The following GTF2IRD2 variants were observed in gnomAD, a reference collection of about 807,000 sequenced individuals.
GTF2IRD2 encodes general transcription factor II-I repeat domain-containing protein 2A.
A neutral mutation model predicts 49.2 loss-of-function variants in GTF2IRD2; 8 were observed. That is an observed-to-expected ratio of 0.16 (90% CI 0.10 to 0.29). The LOEUF (loss-of-function observed/expected upper bound fraction) is 0.29. Ranked by LOEUF, GTF2IRD2 falls within the 10% of genes least tolerant of loss-of-function variation. The pLI, the probability that GTF2IRD2 is intolerant of heterozygous loss-of-function variation, is 1.00. For missense variants in GTF2IRD2, 130 were observed against 725.7 expected (o/e 0.18, Z 9.43); for synonymous variants, 47 against 289.7 (o/e 0.16, Z 8.51).
At chr7:74,831,200 ATCTC>A (rs1177649282) in intron 3 of GTF2IRD2, among the ~76,000 whole-genome samples, 11 of 143,800 alleles carry the variant, frequency 7.6e-5, no homozygotes, top group African/African-American at 1.3e-4. Flanking sequence ...CCCCTCTCTC[ATCTC>A]TCTCTCTCTC....
At chr7:74,841,002 C>T (rs1250062074) in intron 1 of GTF2IRD2, among the ~76,000 whole-genome samples, 6 of 80,106 alleles carry the variant, frequency 7.5e-5, no homozygotes, top group East Asian at 9.9e-4. Flanking sequence ...CACCCGCCAC[C>T]GGGCCCAGCT....
chr7:74,818,928 TTTTTG>T (rs1798690130), intron 8 of GTF2IRD2: 1 of 150,586 alleles, frequency 6.6e-6, no homozygotes, highest in African/African-American at 2.5e-5. Context: ...TTTGTTTTTG[TTTTTG>T]TTTTTTTTTG....
intron 1 of GTF2IRD2, among the ~76,000 whole-genome samples, chr7:74,840,016 G>C (rs1243834494): frequency 3.4e-5 from 5 of 147,660 alleles, no homozygotes; most frequent in African/African-American, 1.3e-4. Context: ...AAAAAAGGGA[G>C]ATGCCACAGC....
intron 6 of GTF2IRD2, chr7:74,822,191 C>T (rs1304327613): frequency 4.6e-5 from 17 of 370,584 alleles, no homozygotes; most frequent in Non-Finnish European, 6.1e-5. Context: ...GGACTACACG[C>T]GCCCGCCACC....
rs149820725 is a variant in GTF2IRD2, at chr7:74,798,022, A to C, written c.1490T>G (p.Leu497Arg). The stretch of plus-strand genomic sequence containing the variant: ...ACACTCGGTGTCTGATGAGCCTAAG[A>C]GATACTTCCTGAGCCCTTTTTTCAG... ...HELKKGLRKY[L>R]LGSSDTECPE... Residue 497 changes from leucine to arginine, a missense_variant, in exon 16 of 16, where the codon CTC (leucine) becomes CGC (arginine). Leu to Arg is a moderately radical substitution (Grantham distance 102). Transcript: ENST00000451013. 62 of 1,225,786 alleles carry C rather than the reference A, an allele frequency of 5.1e-5. No individual in the cohort carries two copies. The Middle Eastern group carries it at 1.3e-3, about 26-fold the overall frequency. 75.9% of individuals were successfully genotyped at this position (1,225,786 alleles called of 1,614,324 possible). A position where few individuals can be genotyped will look rare whatever the true frequency, so the allele number is the denominator to read the frequency against.
chr7:74,818,486 GTC>G (rs1798638214), intron 8 of GTF2IRD2, among the ~76,000 whole-genome samples: 1 of 110,478 alleles, frequency 9.1e-6, no homozygotes, highest in Non-Finnish European at 1.7e-5. Flanking sequence ...TTGAGACAAC[GTC>G]TCTCTCTGTC....
At position 74,824,779 on chromosome 7, in the gene GTF2IRD2, C is replaced by T. The variant is rs1799217784; in HGVS notation, c.358+154G>A. On this transcript the variant is annotated intron_variant, in intron 4 of 15. Transcript: ENST00000451013. Reference sequence around the variant, plus strand: ...TGGTGGCGGGCGCCTGTAATCCCAGCTACTTGGGAGGCTAAGGCAGGAGAA... The same window carrying T: ...TGGTGGCGGGCGCCTGTAATCCCAGTTACTTGGGAGGCTAAGGCAGGAGAA... Among the ~76,000 whole-genome samples the T allele has an allele frequency of 5.3e-5, 2 of 37,620 alleles. 1 individual carries two copies. Among genetic ancestry groups the T allele is most frequent in the East Asian group, 6.9e-3 (2 of 288 alleles). The allele number at this position is 37,620 out of a possible 152,430, so 24.7% of individuals were successfully genotyped here.
intron 1 of GTF2IRD2, among the ~76,000 whole-genome samples, chr7:74,844,885 G>A (rs1367337350): frequency 1.0e-5 from 1 of 95,618 alleles, no homozygotes; most frequent in Non-Finnish European, 2.4e-5. Flanking sequence ...TTAATAGGAG[G>A]TTTCACCATG....
At chr7:74,826,373 C>A (rs2131738031) in intron 3 of GTF2IRD2, among the ~76,000 whole-genome samples, 1 of 144,418 alleles carries the variant, frequency 6.9e-6, no homozygotes, top group South Asian at 2.3e-4. Context: ...GATTTTCGTG[C>A]CTCAGCCTCC....
At chr7:74,830,199 TCA>T (rs1799727045) in intron 3 of GTF2IRD2, among the ~76,000 whole-genome samples, 1 of 22,566 alleles carries the variant, frequency 4.4e-5, no homozygotes. Flanking sequence ...AAACCCTGTC[TCA>T]AAAAAAAAAA....
intron 3 of GTF2IRD2, among the ~76,000 whole-genome samples, chr7:74,832,419 A>ATC (rs1799916819): frequency 2.0e-5 from 1 of 49,704 alleles, no homozygotes; most frequent in Non-Finnish European, 3.8e-5. Flanking sequence ...GAAAAAAAGA[A>ATC]AAAAGGAGTA....
chr7:74,847,694 T>C (rs1584410539), intron 1 of GTF2IRD2, among the ~76,000 whole-genome samples: 2 of 256 alleles, frequency 7.8e-3, no homozygotes, highest in African/African-American at 0.028. Context: ...AGAACGAAAC[T>C]CCATCTCAAA....
At chr7:74,831,504 TACAC>T (rs4029807) in intron 3 of GTF2IRD2, among the ~76,000 whole-genome samples, 2,999 of 118,368 alleles carry the variant, frequency 0.025, 24 homozygotes, top group Non-Finnish European at 0.039. Context: ...TCTCTGTACA[TACAC>T]ACACACACAC....
intron 3 of GTF2IRD2, among the ~76,000 whole-genome samples, chr7:74,831,327 CTCT>C (rs1354825879): frequency 1.3e-5 from 2 of 150,698 alleles, no homozygotes; most frequent in African/African-American, 4.9e-5. Context: ...TAATTCCTCT[CTCT>C]TATCTATCAT....
At position 74,822,753 on chromosome 7, in the gene GTF2IRD2, C is replaced by T. The variant is rs782746034; in HGVS notation, c.413G>A (p.Arg138Gln). The T allele has an allele frequency of 1.1e-5, 17 of 1,520,050 alleles. No individual in the cohort carries two copies. The highest frequency in any genetic ancestry group is 1.1e-4 in the African/African-American group (7 of 65,316). 94.2% of individuals were successfully genotyped at this position (1,520,050 alleles called of 1,614,324 possible). A position where few individuals can be genotyped will look rare whatever the true frequency, so the allele number is the denominator to read the frequency against. ...CTGCACTACCACAGCCGACTGGTCT[C>T]GCAGCATCTTCTCATAGGGAACAGG... The part of the protein sequence containing the change: ...MVPVPYEKML[R>Q]DQSAVVVQGL... The change falls in exon 5 of 16, where the codon CGA becomes CAA. Residue 138 changes from arginine to glutamine, a missense_variant. Physicochemically the swap from Arg to Gln is conservative, Grantham distance 43. Coordinates refer to ENST00000451013, the MANE Select transcript of GTF2IRD2 (RefSeq NM_173537.5).
At chr7:74,841,220 T>C (rs1208016460) in intron 1 of GTF2IRD2, among the ~76,000 whole-genome samples, 32 of 118,782 alleles carry the variant, frequency 2.7e-4, no homozygotes, top group Middle Eastern at 5.0e-3. Context: ...CAGGCTGGAG[T>C]GAAATGGCAT....
intron 1 of GTF2IRD2, among the ~76,000 whole-genome samples, chr7:74,844,980 C>A (rs1801141569): frequency 8.9e-6 from 1 of 112,752 alleles, no homozygotes; most frequent in African/African-American, 3.0e-5. Flanking sequence ...GTGTCAGTCA[C>A]CTGCCTGGCC....
chr7:74,802,250 C>G (rs2131640267), intron 14 of GTF2IRD2, among the ~76,000 whole-genome samples: 2 of 75,248 alleles, frequency 2.7e-5, no homozygotes, highest in Middle Eastern at 0.014. Flanking sequence ...AAGCCATTCT[C>G]CTGCCTCAGC....
At chr7:74,825,178 A>C (rs1799267003) in intron 3 of GTF2IRD2, 126 bp from the exon 4 acceptor site, 1 of 807,170 alleles carries the variant, frequency 1.2e-6, no homozygotes, top group Non-Finnish European at 1.7e-6. Context: ...AGATCTTTTA[A>C]AGAAAAACAA....
Sources: allele counts gnomAD v4.1 joint callset (sites outside exome capture counted in the v4.1 genomes callset), GRCh38; gene constraint gnomAD v4.1.1; transcripts MANE v1.5; gene names NCBI Gene and HGNC (gene_info 2026-07-23, HGNC 2026-07-21).